Variants in ATP8B3 observed in about 807,000 individuals in gnomAD.
ATP8B3 encodes phospholipid-transporting ATPase IK.
In ATP8B3, 141 loss-of-function variants were observed where a neutral mutation model predicts 140.9. That is an observed-to-expected ratio of 1.00 (90% CI 0.87 to 1.15). The LOEUF is 1.15. ATP8B3 is among the 50% of genes most tolerant of loss of function. ATP8B3 has a pLI of 0.00. For missense variants in ATP8B3, 1,874 were observed against 1,740.6 expected (o/e 1.08, Z -1.36); for synonymous variants, 765 against 714.6 (o/e 1.07, Z -1.13).
chr19:1,800,131 G>C lies in ATP8B3; in HGVS notation c.1368C>G (p.Asn456Lys). 2 of 1,558,638 alleles carry C rather than the reference G, an allele frequency of 1.3e-6. No homozygotes were observed. Among genetic ancestry groups the C allele is most frequent in the East Asian group, 4.8e-5 (2 of 41,912 alleles). Reference sequence around the variant, plus strand: ...GCACGTCCCAGTCGATGAAGACGCTGTTCCCCAGGTAGATGAACTCGGACC... The same window carrying C: ...GCACGTCCCAGTCGATGAAGACGCTCTTCCCCAGGTAGATGAACTCGGACC... ...FILSEFIYLG[N>K]SVFIDWDVQM... The change falls in exon 14 of 29, where the codon AAC becomes AAG. Residue 456 changes from asparagine to lysine, a missense_variant. Coordinates refer to ENST00000310127, the MANE Select transcript of ATP8B3 (RefSeq NM_138813.4). This position sits in a 1 kb window ranked among gnomAD's most constrained non-coding sequence, Gnocchi z 4.4.
chr19:1,784,653 G>A (rs1191818905), intron 28 of ATP8B3, among the ~76,000 whole-genome samples, 166 bp downstream of exon 28: 1 of 152,170 alleles, frequency 6.6e-6, no homozygotes, highest in Non-Finnish European at 1.5e-5. Flanking sequence ...GGCCCCGGGG[G>A]CACTGGGCGT....
chr19:1,799,821 C>T (rs774181086), intron 14 of ATP8B3, 126 bp downstream of exon 14: 177 of 1,022,006 alleles, frequency 1.7e-4, no homozygotes, highest in Middle Eastern at 1.0e-3. Flanking sequence ...CATCTGGCTA[C>T]GGTTCCCTGG....
intron 3 of ATP8B3, among the ~76,000 whole-genome samples, chr19:1,810,369 T>C (rs2145212201): frequency 6.6e-6 from 1 of 152,228 alleles, no homozygotes; most frequent in Admixed American, 6.5e-5. Context: ...TGGGTTCAAG[T>C]GATTCTCCTG....
chr19:1,808,088 A>G, intron 5 of ATP8B3, 134 bp downstream of exon 5: 3 of 665,004 alleles, frequency 4.5e-6, no homozygotes, highest in South Asian at 3.4e-5. Context: ...GGCCCTGGGC[A>G]GGGTAGTAGG....
chr19:1,809,730 G>A lies in ATP8B3; in HGVS notation c.315C>T (p.Phe105=). The change falls in exon 4 of 29, where the codon TTC becomes TTT. Residue 105 remains phenylalanine (F), a synonymous_variant. Coordinates refer to ENST00000310127, the MANE Select transcript of ATP8B3 (RefSeq NM_138813.4). ...GGTTGTTGGCCTGGACCTTCCAGGT[G>A]AATGCTGCAGCGAGAGAGCCGGGCG... ...DLQDEDRNSA[F]TWKVQANNRA... 4.4e-6 allele frequency: 7 copies of A among 1,606,898 alleles called. No individual in the cohort carries two copies. Among genetic ancestry groups the A allele is most frequent in the Non-Finnish European group, 5.9e-6 (7 of 1,177,048 alleles).
chr19:1,805,118 G>T lies in ATP8B3; in HGVS notation c.904+256C>A. 2.2e-6 allele frequency: 1 copy of T among 458,864 alleles called. No homozygotes were observed. The highest frequency in any genetic ancestry group is 4.1e-6 in the Non-Finnish European group (1 of 246,060). 28.4% of individuals were successfully genotyped at this position (458,864 alleles called of 1,614,324 possible). A position where few individuals can be genotyped will look rare whatever the true frequency, so the allele number is the denominator to read the frequency against. On this transcript the variant is annotated intron_variant, in intron 10 of 28. Coordinates refer to ENST00000310127, the MANE Select transcript of ATP8B3 (RefSeq NM_138813.4). This position sits in a 1 kb window ranked among gnomAD's most constrained non-coding sequence, Gnocchi z 5.2. ...AGCCTCCCAAGTAGCTGGGACCACC[G>T]GCATGTGCCACCACGCCCAGCTACT...
Position 1,809,497 on chromosome 19 carries a change from GA to G in ATP8B3, c.402+145del, listed in dbSNP as rs1600487202. The G allele has an allele frequency of 4.2e-6, 3 of 710,392 alleles. No homozygotes were observed. In the East Asian group the frequency reaches 8.4e-5, roughly 20 times the overall value. The allele number at this position is 710,392 out of a possible 1,614,324, so 44.0% of individuals were successfully genotyped here. ...CTCTGTCTCAAAAAAAAAAAAGAAA[GA>G]AAGAAAAAGAAAACGAAAACCAAAA... On this transcript the variant is annotated intron_variant, in intron 4 of 28. Transcript: ENST00000310127.
intron 2 of ATP8B3, 89 bp from the exon 3 acceptor site, chr19:1,810,772 C>T (rs576385782): frequency 5.7e-5 from 71 of 1,252,214 alleles, no homozygotes; most frequent in Middle Eastern, 2.2e-4. Context: ...AGCCTAGGGG[C>T]CGACCCTCTC....
rs373261880 is a variant in ATP8B3, at chr19:1,805,964, G to A, written c.751-6C>T. Reference sequence around the variant, plus strand: ...GCCAGCAAGAGCATGTCGGCCTGGTGTGGAGTGGGGGGCAGCGTTGCAAGA... The same window carrying A: ...GCCAGCAAGAGCATGTCGGCCTGGTATGGAGTGGGGGGCAGCGTTGCAAGA... On this transcript the variant is annotated splice_region_variant and splice_polypyrimidine_tract_variant and intron_variant, in intron 8 of 28. Coordinates refer to ENST00000310127, the MANE Select transcript of ATP8B3 (RefSeq NM_138813.4). This position sits in a 1 kb window ranked among gnomAD's most constrained non-coding sequence, Gnocchi z 5.2. The A allele has an allele frequency of 4.3e-6, 7 of 1,611,386 alleles. No homozygotes were observed. The highest frequency in any genetic ancestry group is 1.6e-4 in the Middle Eastern group (1 of 6,084).
At position 1,811,652 on chromosome 19, in the gene ATP8B3, C is replaced by A. The variant is rs1259812066; in HGVS notation, c.85G>T (p.Gly29Cys). ...CCTTCCTGAGTCACGTCTGAGTCAC[C>A]CGTGTCCCCAGGTCCTGGTGGGGCA... ...SPAPPGPGDTGDSDVTQEGSG... is the reference protein window; with the variant it reads ...SPAPPGPGDTCDSDVTQEGSG... Residue 29 changes from glycine (G) to cysteine (C), a missense_variant, in exon 2 of 29, where the codon GGT becomes TGT. By Grantham distance (159) the Gly-to-Cys change is radical. Transcript: ENST00000310127. 6.2e-7 allele frequency: 1 copy of A among 1,610,858 alleles called. No individual in the cohort carries two copies. The highest frequency in any genetic ancestry group is 1.7e-5 in the Admixed American group (1 of 59,964).
chr19:1,784,796 C>T (rs1386525168), intron 28 of ATP8B3, 23 bp downstream of exon 28: 5 of 1,577,608 alleles, frequency 3.2e-6, no homozygotes, highest in South Asian at 2.4e-5. Flanking sequence ...CAGATGAGGA[C>T]CCCAGGCCCA....
chr19:1,802,450 G>A, intron 11 of ATP8B3, 37 bp downstream of exon 11: 1 of 1,020,692 alleles, frequency 9.8e-7, no homozygotes, highest in Non-Finnish European at 1.3e-6. Flanking sequence ...GCTCCCATCA[G>A]TACAGCTCCC....
Position 1,806,260 on chromosome 19 carries a change from G to T in ATP8B3, c.678-91C>A, listed in dbSNP as rs374313601. ...AGAGGCACGGGATGACGGGGGGCCC[G>T]CAGCTGCAGTCCCCACCTCCGGGCC... On this transcript the variant is annotated intron_variant, in intron 7 of 28. Coordinates refer to ENST00000310127, the MANE Select transcript of ATP8B3 (RefSeq NM_138813.4). This position sits in a 1 kb window ranked among gnomAD's most constrained non-coding sequence, Gnocchi z 5.6. The T allele has an allele frequency of 6.6e-7, 1 of 1,526,404 alleles. No homozygotes were observed. Among genetic ancestry groups the T allele is most frequent in the Admixed American group, 2.0e-5 (1 of 50,124 alleles). 94.6% of individuals were successfully genotyped at this position (1,526,404 alleles called of 1,614,324 possible).
At chr19:1,783,380 T>A (rs1435607397) in intron 28 of ATP8B3, 110 bp from the exon 29 acceptor site, 3 of 1,372,982 alleles carry the variant, frequency 2.2e-6, no homozygotes, top group Non-Finnish European at 2.9e-6. Flanking sequence ...CACTATTGAT[T>A]GGCTACGTTC....
chr19:1,810,456 G>A (rs1353911327), intron 3 of ATP8B3, among the ~76,000 whole-genome samples, 166 bp downstream of exon 3: 3 of 152,186 alleles, frequency 2.0e-5, no homozygotes, highest in East Asian at 1.9e-4. Flanking sequence ...TAGTAGAAAC[G>A]GGGTTTCTCC....
chr19:1,805,792 C>A lies in ATP8B3; in HGVS notation c.821+96G>T, dbSNP rs1196928096. On this transcript the variant is annotated intron_variant, in intron 9 of 28. Coordinates refer to ENST00000310127, the MANE Select transcript of ATP8B3 (RefSeq NM_138813.4). The surrounding 1 kb of genome is among the most constrained non-coding windows in gnomAD (Gnocchi z 5.2). ...GTGAGTGACCAAAGTCTCTGAGCGA[C>A]CTTGGCTGGCCGCCTCCTTGGTGAC... 6.7e-7 allele frequency: 1 copy of A among 1,483,708 alleles called. No individual in the cohort carries two copies. The highest frequency in any genetic ancestry group is 1.4e-5 in the African/African-American group (1 of 71,908). The allele number at this position is 1,483,708 out of a possible 1,614,324, so 91.9% of individuals were successfully genotyped here.
At position 1,783,006 on chromosome 19, in the gene ATP8B3, G is replaced by C; in HGVS notation, c.*22C>G. On this transcript the variant is annotated 3_prime_UTR_variant, in exon 29 of 29. Transcript: ENST00000310127. Reference sequence around the variant, plus strand: ...TGTGGCTGGTGCTTCTTCTTCCCCAGGAAGGACATCTTCCTGAGGTGTCAC... The same window carrying C: ...TGTGGCTGGTGCTTCTTCTTCCCCACGAAGGACATCTTCCTGAGGTGTCAC... 1 of 1,585,712 alleles carries C rather than the reference G, an allele frequency of 6.3e-7. No homozygotes were observed. The highest frequency in any genetic ancestry group is 1.1e-5 in the South Asian group (1 of 87,022).
chr19:1,785,824 G>A, intron 25 of ATP8B3, 116 bp from the exon 26 acceptor site: 1 of 1,151,614 alleles, frequency 8.7e-7, no homozygotes, highest in Non-Finnish European at 1.2e-6. Context: ...GGCTCTTTGA[G>A]TTTAAGTGAG....
chr19:1,788,712 G>C (rs530274872), intron 24 of ATP8B3, among the ~76,000 whole-genome samples, 185 bp downstream of exon 24: 1 of 152,176 alleles, frequency 6.6e-6, no homozygotes, highest in African/African-American at 2.4e-5. Flanking sequence ...GACAGGGACC[G>C]TCACCTCCCT....
Sources: allele counts gnomAD v4.1 joint callset (sites outside exome capture counted in the v4.1 genomes callset), GRCh38; gene constraint gnomAD v4.1.1; non-coding constraint Gnocchi (gnomAD v3.1); transcripts MANE v1.5; gene names NCBI Gene and HGNC (gene_info 2026-07-23, HGNC 2026-07-21).